Variants in FBXO34 observed in about 807,000 individuals in gnomAD.
The protein encoded by FBXO34 is F-box protein 34.
A neutral mutation model predicts 24.5 loss-of-function variants in FBXO34; 12 were observed. That is an observed-to-expected ratio of 0.49 (90% CI 0.31 to 0.79). FBXO34 has a LOEUF of 0.79. Among genes scored for constraint, FBXO34 ranks in the 30% least tolerant of loss-of-function variants. The probability of loss-of-function intolerance (pLI) is 0.04; values close to 1 mark genes in which losing one functional copy is unlikely to be tolerated. For missense variants in FBXO34, 823 were observed against 857.7 expected, an observed-to-expected ratio of 0.96 and a Z score of 0.51; for synonymous variants, 320 against 311.9, an observed-to-expected ratio of 1.03 and a Z score of -0.27.
chr14:55,375,481 C>A, the FBXO34 span, among the ~76,000 whole-genome samples: 3 of 145,946 alleles, frequency 2.1e-5, no homozygotes, highest in Non-Finnish European at 3.0e-5. Context: ...CATTACCACG[C>A]CGGGCTAAAT....
the FBXO34 span, chr14:55,437,007 G>A: frequency 6.2e-7 from 1 of 1,613,846 alleles, no homozygotes; most frequent in Non-Finnish European, 8.5e-7. Flanking sequence ...ACCTGGGTGG[G>A]GCAAGGCCAT....
the FBXO34 span, among the ~76,000 whole-genome samples, chr14:55,417,908 C>G: frequency 1.8e-4 from 27 of 152,302 alleles, no homozygotes; most frequent in African/African-American, 6.0e-4. Flanking sequence ...CCAGCTCTAC[C>G]TCTAACTAGC....
Position 55,296,083 on chromosome 14 carries a change from G to A in FBXO34, c.-11+24546G>A, listed in dbSNP as rs554612705. 5.6e-4 allele frequency among the ~76,000 whole-genome samples: 86 copies of A among 152,236 alleles called. 1 individual carries two copies. In the South Asian group the frequency reaches 0.018, roughly 32 times the overall value. Reference sequence around the variant, plus strand: ...TTGGGAGGATCTTTTCATGCCTGTAGTTGAAGACCAGCCTTAGCAAGTCCC... The same window carrying A: ...TTGGGAGGATCTTTTCATGCCTGTAATTGAAGACCAGCCTTAGCAAGTCCC... On this transcript the variant is annotated intron_variant, in intron 1 of 1. Coordinates refer to ENST00000313833, the MANE Select transcript of FBXO34 (RefSeq NM_017943.4).
chr14:55,430,387 CT>C, the FBXO34 span, among the ~76,000 whole-genome samples: 3 of 136,456 alleles, frequency 2.2e-5, no homozygotes, highest in African/African-American at 8.6e-5. Flanking sequence ...GTTGATTCTC[CT>C]CACCCACTTT....
chr14:55,320,231 G>A (rs1883082467), intron 1 of FBXO34, among the ~76,000 whole-genome samples: 2 of 152,100 alleles, frequency 1.3e-5, no homozygotes, highest in Admixed American at 1.3e-4. Flanking sequence ...GCATGGTTTG[G>A]GGAGAATTAT....
chr14:55,413,595 A>G, the FBXO34 span: 1 of 444,620 alleles, frequency 2.2e-6, no homozygotes, highest in Admixed American at 2.5e-5. Flanking sequence ...CCAGCAGCCC[A>G]GGCTCCCTCC....
intron 1 of FBXO34, among the ~76,000 whole-genome samples, chr14:55,288,530 C>T (rs1881838274): frequency 1.3e-5 from 2 of 152,138 alleles, no homozygotes; most frequent in South Asian, 2.1e-4. Context: ...AAGAAAACCA[C>T]GTACGGCCTG....
Position 55,351,588 on chromosome 14 carries a change from A to G in FBXO34, c.1198A>G (p.Ser400Gly), listed in dbSNP as rs1399432239. 3.1e-6 allele frequency: 5 copies of G among 1,614,230 alleles called. No individual in the cohort carries two copies. ...GGGTTCGCAAACTGCCGTGAAAAAC[A>G]GCAACAGATATGATGTGGAAATGAC... ...EPGSQTAVKNSNRYDVEMTDE... is the reference protein window; with the variant it reads ...EPGSQTAVKNGNRYDVEMTDE... The change falls in exon 2 of 2, where the codon AGC (serine) becomes GGC (glycine). Residue 400 changes from serine (S) to glycine (G), a missense_variant. By Grantham distance (56) the Ser-to-Gly change is moderately conservative. Coordinates refer to ENST00000313833, the MANE Select transcript of FBXO34 (RefSeq NM_017943.4).
downstream of FBXO34, among the ~76,000 whole-genome samples, chr14:55,364,103 A>G (rs1462554186): frequency 6.6e-5 from 10 of 151,918 alleles, no homozygotes; most frequent in Non-Finnish European, 2.9e-5. Flanking sequence ...GGCATGTGCC[A>G]CCATGCCTGG....
In FBXO34 at chr14:55,338,088, C is replaced by T. The variant is rs184688747; in HGVS notation, c.-10-12293C>T. Among the ~76,000 whole-genome samples, 725 of 87,930 alleles carry T rather than the reference C, an allele frequency of 8.2e-3. 7 individuals carry two copies. Among genetic ancestry groups the T allele is most frequent in the African/African-American group, 0.03 (688 of 23,100 alleles). The allele number at this position is 87,930 out of a possible 152,430, so 57.7% of individuals were successfully genotyped here. ...TTTTTGAGATGGAGTCTCGCTCTGT[C>T]GCCCAGGCTGGAGTGCAGTGGCACG... is the stretch of plus-strand genomic sequence containing the variant. On this transcript the variant is annotated intron_variant, in intron 1 of 1. Transcript: ENST00000313833.
At chr14:55,299,352 C>G (rs906056893) in intron 1 of FBXO34, 2 of 404,826 alleles carry the variant, frequency 4.9e-6, no homozygotes, top group African/African-American at 4.4e-5. Context: ...CATTGCTGCT[C>G]GCTCTCTGCA....
chr14:55,358,604 C>G (rs928717795), downstream of FBXO34, among the ~76,000 whole-genome samples: 1 of 145,466 alleles, frequency 6.9e-6, no homozygotes, highest in African/African-American at 2.5e-5. Context: ...CAGTGCCTGC[C>G]CCCTTGATCC....
the FBXO34 span, among the ~76,000 whole-genome samples, chr14:55,375,286 GGTT>G: frequency 2.6e-5 from 4 of 152,088 alleles, no homozygotes; most frequent in African/African-American, 9.7e-5. Context: ...TTTCCAAACT[GGTT>G]GTTGTTGGCA....
chr14:55,426,445 G>C, the FBXO34 span, among the ~76,000 whole-genome samples: 1 of 152,080 alleles, frequency 6.6e-6, no homozygotes, highest in Non-Finnish European at 1.5e-5. Flanking sequence ...GACCTTAGGG[G>C]TTTAACACAA....
In FBXO34 at chr14:55,298,707, C is replaced by T. The variant is rs1053392126; in HGVS notation, c.-11+27170C>T. 4.5e-6 allele frequency: 7 copies of T among 1,568,612 alleles called. 1 individual carries two copies. In the South Asian group the frequency reaches 4.5e-5, roughly 10 times the overall value. The stretch of plus-strand genomic sequence containing the variant: ...CCTGACCCTCCAGGAGGCCATCCAG[C>T]GGCTGCGGGACACGGAGGAGATGTT... On this transcript the variant is annotated intron_variant, in intron 1 of 1. Transcript: ENST00000313833.
chr14:55,313,394 T>C (rs1352800427), intron 1 of FBXO34, among the ~76,000 whole-genome samples: 1 of 152,196 alleles, frequency 6.6e-6, no homozygotes, highest in Admixed American at 6.5e-5. Flanking sequence ...TTCCCACATC[T>C]TCATGTCTTC....
downstream of FBXO34, among the ~76,000 whole-genome samples, chr14:55,365,058 TAAAAAAAAA>T (rs563260970): frequency 8.0e-6 from 1 of 124,462 alleles, no homozygotes; most frequent in Non-Finnish European, 1.6e-5. Context: ...ATCTCTACTT[TAAAAAAAAA>T]AAAAAAAAAA....
the FBXO34 span, among the ~76,000 whole-genome samples, chr14:55,419,347 T>A: frequency 6.6e-6 from 1 of 152,228 alleles, no homozygotes; most frequent in Non-Finnish European, 1.5e-5. Flanking sequence ...AAGCAGTGTC[T>A]GTCATATGAG....
At chr14:55,424,655 G>A in the FBXO34 span, among the ~76,000 whole-genome samples, 5 of 152,102 alleles carry the variant, frequency 3.3e-5, no homozygotes, top group African/African-American at 1.2e-4. Flanking sequence ...ATGCTTTTAC[G>A]AACTGCTGAA....
Sources: gnomAD v4.1 joint callset for allele counts (sites outside exome capture counted in the v4.1 genomes callset) on GRCh38, gnomAD v4.1.1 for gene constraint, MANE v1.5 for transcripts, NCBI Gene and HGNC (gene_info 2026-07-23, HGNC 2026-07-21) for gene names.